The following NPC1L1 variants were observed in gnomAD, a reference collection of about 807,000 sequenced individuals.
NPC1L1 encodes NPC1-like intracellular cholesterol transporter 1.
A neutral mutation model predicts 117.0 loss-of-function variants in NPC1L1; 98 were observed. The observed-to-expected ratio is 0.84, with a 90% CI of 0.71 to 0.99. NPC1L1 has a LOEUF of 0.99. Among genes scored for constraint, NPC1L1 ranks in the 50% least tolerant of loss-of-function variants. NPC1L1 has a pLI of 0.00. For missense variants in NPC1L1, 1,540 were observed against 1,710.0 expected (o/e 0.90, Z 1.75); for synonymous variants, 729 against 727.6 (o/e 1.00, Z -0.03).
Position 44,533,850 on chromosome 7 carries a change from GC to G in NPC1L1, c.2169del (p.Arg723SerfsTer18). 1 of 1,610,254 alleles carries G rather than the reference GC, an allele frequency of 6.2e-7. No individual in the cohort carries two copies. Among genetic ancestry groups the G allele is most frequent in the Non-Finnish European group, 8.5e-7 (1 of 1,178,586 alleles). On this transcript the variant is annotated frameshift_variant and splice_region_variant, in exon 7 of 19. Transcript: ENST00000381160. LOFTEE classifies it high-confidence loss of function. ...CGTGGCTCCCCAGGCCTCCGGGGCA[GC>G]CTCTGTGTGGGAACAGCAGGGATAA... ...NIFIFVLEYQ[R>X]LPRRPGEPRE...
At position 44,522,250 on chromosome 7, in the gene NPC1L1, TG is replaced by T; in HGVS notation, c.2638-9del. ...GTCAAGCAGGTACGAGTCCTAGGAG[TG>T]GAGGAGGGTCAGTGAGCTTTGGTTC... On this transcript the variant is annotated splice_polypyrimidine_tract_variant and intron_variant, in intron 10 of 18. Transcript: ENST00000381160. The T allele has an allele frequency of 6.2e-7, 1 of 1,610,112 alleles. No homozygotes were observed. Among genetic ancestry groups the T allele is most frequent in the Non-Finnish European group, 8.5e-7 (1 of 1,178,694 alleles).
intron 7 of NPC1L1, 45 bp from the exon 8 acceptor site, chr7:44,533,603 C>T (rs1286603809): frequency 1.2e-6 from 2 of 1,613,720 alleles, no homozygotes; most frequent in Non-Finnish European, 1.7e-6. Context: ...GCTTCAAGGG[C>T]AGAGTGGTAG....
At chr7:44,527,571 T>C (rs574757354) in intron 10 of NPC1L1, among the ~76,000 whole-genome samples, 1 of 150,906 alleles carries the variant, frequency 6.6e-6, no homozygotes, top group South Asian at 2.2e-4. Context: ...TCCCAGTACT[T>C]CAGGTGGCTG....
chr7:44,533,703 C>T, intron 7 of NPC1L1, 36 bp downstream of exon 7: 1 of 1,609,698 alleles, frequency 6.2e-7, no homozygotes. Flanking sequence ...ACCCAGCAAG[C>T]CTAATGCCGA....
In NPC1L1 at chr7:44,538,091, G is replaced by GC. The variant is rs1263167691; in HGVS notation, c.1580+725dup. On this transcript the variant is annotated intron_variant, in intron 2 of 18. Coordinates refer to ENST00000381160, the MANE Select transcript of NPC1L1 (RefSeq NM_001101648.2). The surrounding 1 kb of genome is among the most constrained non-coding windows in gnomAD (Gnocchi z 5.9). ...TCATAATAACACTAAGATGCTATTT[G>GC]CCCCTTTTAACTCTCATTTGCTCTG... is the stretch of plus-strand genomic sequence containing the variant. 5.3e-5 allele frequency among the ~76,000 whole-genome samples: 8 copies of GC among 152,216 alleles called. No homozygotes were observed. The East Asian group carries it at 1.3e-3, about 26-fold the overall frequency.
chr7:44,534,581 C>A lies in NPC1L1; in HGVS notation c.2032G>T (p.Gly678Ter). ...AAGCCCATGGCAGCCATGACTGCTC[C>A]CAGGACCACGGCCACCCCGCCGAGG... Reference protein sequence around the residue: ...LGLGGVAVVLGAVMAAMGFFS... With the variant: ...LGLGGVAVVL The change falls in exon 6 of 19, where the codon GGA becomes TGA. Residue 678 changes from glycine to a stop codon, truncating the protein, a stop_gained. Coordinates refer to ENST00000381160, the MANE Select transcript of NPC1L1 (RefSeq NM_001101648.2). LOFTEE classifies it high-confidence loss of function. The surrounding 1 kb of genome is among the most constrained non-coding windows in gnomAD (Gnocchi z 5.2). 1.2e-6 allele frequency: 2 copies of A among 1,614,154 alleles called. No homozygotes were observed. The highest frequency in any genetic ancestry group is 1.7e-6 in the Non-Finnish European group (2 of 1,180,014).
intron 14 of NPC1L1, 49 bp from the exon 15 acceptor site, chr7:44,517,406 T>C (rs771913478): frequency 6.2e-7 from 1 of 1,601,956 alleles, no homozygotes; most frequent in South Asian, 1.1e-5. Context: ...GTCAGAGCCC[T>C]TTCCAGGACA....
chr7:44,521,676 G>A (rs754492186), intron 12 of NPC1L1, 36 bp downstream of exon 12: 10 of 1,613,710 alleles, frequency 6.2e-6, no homozygotes, highest in South Asian at 1.1e-5. Flanking sequence ...TGCCCGAGCT[G>A]TGGTGGACAG....
rs961858505 is a variant in NPC1L1, at chr7:44,534,321, G to C, written c.2166+126C>G. On this transcript the variant is annotated intron_variant, in intron 6 of 18. Transcript: ENST00000381160. This position sits in a 1 kb window ranked among gnomAD's most constrained non-coding sequence, Gnocchi z 5.2. ...GTTTCTACAGATATTGTAAACATGC[G>C]TGTCGATGAACAGAAAGAGTCTGCA... is the stretch of plus-strand genomic sequence containing the variant. The C allele has an allele frequency of 4.5e-6, 4 of 883,838 alleles. No individual in the cohort carries two copies. The East Asian group carries it at 7.2e-5, about 16-fold the overall frequency. 54.7% of individuals were successfully genotyped at this position (883,838 alleles called of 1,614,324 possible).
At position 44,521,778 on chromosome 7, in the gene NPC1L1, G is replaced by A. The variant is rs949305034; in HGVS notation, c.2887C>T (p.Pro963Ser). 1.2e-6 allele frequency: 2 copies of A among 1,614,070 alleles called. No individual in the cohort carries two copies. Among genetic ancestry groups the A allele is most frequent in the African/African-American group, 1.3e-5 (1 of 74,918 alleles). Residue 963 changes from proline to serine, a missense_variant, in exon 12 of 19, where the codon CCG (proline) becomes TCG (serine). Pro to Ser is a moderately conservative substitution (Grantham distance 74, BLOSUM62 -1). Coordinates refer to ENST00000381160, the MANE Select transcript of NPC1L1 (RefSeq NM_001101648.2). ...ATATAAAGGCGGCAGCAGGAGGACG[G>A]GGTCAGCCAGTCAATGAAGTCATCC... ...WVDDFIDWLTPSSCCRLYISG... is the reference protein window; with the variant it reads ...WVDDFIDWLTSSSCCRLYISG...
rs1361269008 is a variant in NPC1L1 at position 44,520,806 on chromosome 7, T to C, written c.3095A>G (p.Tyr1032Cys). 1 of 1,614,088 alleles carries C rather than the reference T, an allele frequency of 6.2e-7. No individual in the cohort carries two copies. The highest frequency in any genetic ancestry group is 1.7e-5 in the Admixed American group (1 of 60,016). Residue 1032 changes from tyrosine (Y) to cysteine (C), a missense_variant, in exon 14 of 19, where the codon TAC becomes TGC. By Grantham distance (194) the Tyr-to-Cys change is radical (BLOSUM62 -2). Transcript: ENST00000381160. ...TGAAGTCAAGTTCACAGAGGTGCTG[T>C]ATGCTGCCAGGCCGCTGCAAGAAGG... ...IKCPKGGLAA[Y>C]STSVNLTSDG...
At chr7:44,522,001 A>G (rs217421) in intron 11 of NPC1L1, 51 bp downstream of exon 11, 369,129 of 1,600,696 alleles carry the variant, frequency 0.23, 45,189 homozygotes, top group African/African-American at 0.26. Context: ...AGAGGACTGG[A>G]GGGACTCAAA....
intron 10 of NPC1L1, among the ~76,000 whole-genome samples, chr7:44,527,177 G>A (rs1801542376): frequency 6.6e-6 from 1 of 151,984 alleles, no homozygotes; most frequent in Admixed American, 6.6e-5. Context: ...ACATTAGACA[G>A]GCCAGGCATG....
At chr7:44,516,011 GCA>G in intron 17 of NPC1L1, 46 bp from the exon 18 acceptor site, 1 of 1,610,820 alleles carries the variant, frequency 6.2e-7, no homozygotes, top group Non-Finnish European at 8.5e-7. Flanking sequence ...AGGGCATCAG[GCA>G]GGGCACAGGG....
rs750871309 is a variant in NPC1L1 at position 44,531,862 on chromosome 7, G to A, written c.2548-18C>T. 17 of 1,564,666 alleles carry A rather than the reference G, an allele frequency of 1.1e-5. No homozygotes were observed. The South Asian group carries it at 1.8e-4, about 16-fold the overall frequency. On this transcript the variant is annotated intron_variant, in intron 9 of 18. Coordinates refer to ENST00000381160, the MANE Select transcript of NPC1L1 (RefSeq NM_001101648.2). Reference sequence around the variant, plus strand: ...AGCAGCAGCTGAGAAGGGACCTGCTGCATGAGACCACCCTGCCCAACAGCC... The same window carrying A: ...AGCAGCAGCTGAGAAGGGACCTGCTACATGAGACCACCCTGCCCAACAGCC...
intron 8 of NPC1L1, 144 bp downstream of exon 8, chr7:44,533,287 G>A (rs1801758032): frequency 1.3e-5 from 12 of 931,774 alleles, no homozygotes; most frequent in Non-Finnish European, 2.0e-5. Context: ...AGAATACATG[G>A]CCTAAATATT....
At chr7:44,531,252 A>G (rs1411995942) in intron 10 of NPC1L1, among the ~76,000 whole-genome samples, 1 of 152,128 alleles carries the variant, frequency 6.6e-6, no homozygotes, top group Non-Finnish European at 1.5e-5. Flanking sequence ...CTTGGCCTCC[A>G]GCTCATCCCA....
Position 44,524,056 on chromosome 7 carries a change from G to A in NPC1L1, c.2638-1814C>T, listed in dbSNP as rs144385542. The stretch of plus-strand genomic sequence containing the variant: ...ATTTAAAGAGTAAGCACCTATCCCC[G>A]ACACCTTCATTTTTCCCTTTTTCTC... On this transcript the variant is annotated intron_variant, in intron 10 of 18. Transcript: ENST00000381160. Among the ~76,000 whole-genome samples the A allele has an allele frequency of 5.9e-4, 89 of 152,130 alleles. 1 individual carries two copies. In the East Asian group the frequency reaches 0.01, roughly 18 times the overall value.
chr7:44,521,725 G>A lies in NPC1L1; in HGVS notation c.2940C>T (p.Cys980=). 1 of 1,614,150 alleles carries A rather than the reference G, an allele frequency of 6.2e-7. No individual in the cohort carries two copies. The highest frequency in any genetic ancestry group is 8.5e-7 in the Non-Finnish European group (1 of 1,180,004). Residue 980 remains cysteine (C), a synonymous_variant, in exon 12 of 19, where the codon TGC becomes TGT. Coordinates refer to ENST00000381160, the MANE Select transcript of NPC1L1 (RefSeq NM_001101648.2). ...CCCCACACTCACTGACGGTCGAGGG[G>A]CAGAACTTGTCCTTATTGGGGCCAG... The part of the protein sequence containing the change: ...YISGPNKDKF[C]PSTVNSLNCL...
Sources: gnomAD v4.1 joint callset for allele counts (sites outside exome capture counted in the v4.1 genomes callset) on GRCh38, gnomAD v4.1.1 for gene constraint, Gnocchi (gnomAD v3.1) non-coding constraint, MANE v1.5 for transcripts, NCBI Gene and HGNC (gene_info 2026-07-23, HGNC 2026-07-21) for gene names.